The following KCNJ6 variants were observed in gnomAD, a reference collection of about 807,000 sequenced individuals.
The protein encoded by KCNJ6 is G protein-activated inward rectifier potassium channel 2.
In KCNJ6, 9 loss-of-function variants were observed where a neutral mutation model predicts 34.2. The ratio of observed to expected loss-of-function variants is 0.26; its 90% CI spans 0.16 to 0.46. The LOEUF is 0.46. KCNJ6 is among the 20% of genes least tolerant of loss of function. The pLI is 1.00. For missense variants in KCNJ6, 236 were observed against 531.3 expected (o/e 0.44, Z 5.46); for synonymous variants, 196 against 207.1 (o/e 0.95, Z 0.46).
intron 2 of KCNJ6, among the ~76,000 whole-genome samples, chr21:37,727,740 T>C (rs2054862539): frequency 6.6e-6 from 1 of 152,098 alleles, no homozygotes; most frequent in Non-Finnish European, 1.5e-5. Context: ...GGCGAATATT[T>C]GGGAGGAACG....
At chr21:37,709,704 C>T (rs911355336) in intron 3 of KCNJ6, among the ~76,000 whole-genome samples, 6 of 152,138 alleles carry the variant, frequency 3.9e-5, no homozygotes, top group Admixed American at 2.6e-4. Flanking sequence ...AGCCAAGTCA[C>T]GGGTCTTGTT....
intron 2 of KCNJ6, among the ~76,000 whole-genome samples, chr21:37,826,324 G>A (rs2055398792): frequency 6.6e-6 from 1 of 152,186 alleles, no homozygotes; most frequent in South Asian, 2.1e-4. Flanking sequence ...TAAAATTACA[G>A]CATAATGTTG....
chr21:37,848,800 G>T (rs1482037683), intron 1 of KCNJ6, among the ~76,000 whole-genome samples: 5 of 152,206 alleles, frequency 3.3e-5, no homozygotes, highest in Non-Finnish European at 5.9e-5. Flanking sequence ...AGAGATAAGA[G>T]TAAGAAAACA....
intron 2 of KCNJ6, among the ~76,000 whole-genome samples, chr21:37,765,833 AT>A (rs2055088106): frequency 6.6e-6 from 1 of 152,226 alleles, no homozygotes; most frequent in Non-Finnish European, 1.5e-5. Flanking sequence ...CATGGCAACT[AT>A]CCTCATTTAA....
Position 37,712,751 on chromosome 21 carries a change from CT to C in KCNJ6, c.946+1459del, listed in dbSNP as rs1569450262. On this transcript the variant is annotated intron_variant, in intron 3 of 3. Coordinates refer to ENST00000609713, the MANE Select transcript of KCNJ6 (RefSeq NM_002240.5). ...TCCTCCCCTTCTCCTCCTCTCCTTCCTCCCCTTCCTCCTCCCCTGCCTTCCC... is the reference window on the plus strand; with the variant it reads ...TCCTCCCCTTCTCCTCCTCTCCTTCCCCCCTTCCTCCTCCCCTGCCTTCCC... Among the ~76,000 whole-genome samples, 3 of 69,064 alleles carry C rather than the reference CT, an allele frequency of 4.3e-5. 1 individual carries two copies. 45.3% of individuals were successfully genotyped at this position (69,064 alleles called of 152,430 possible). A position where few individuals can be genotyped will look rare whatever the true frequency, so the allele number is the denominator to read the frequency against.
At chr21:37,881,105 CT>C (rs1010333423) in intron 1 of KCNJ6, among the ~76,000 whole-genome samples, 13 of 151,868 alleles carry the variant, frequency 8.6e-5, no homozygotes, top group African/African-American at 3.1e-4. Context: ...TCCCTCTGTG[CT>C]TTTTTTTCAG....
chr21:37,818,975 T>TA lies in KCNJ6; in HGVS notation c.25+21682dup, dbSNP rs779729481. On this transcript the variant is annotated intron_variant, in intron 2 of 3. Coordinates refer to ENST00000609713, the MANE Select transcript of KCNJ6 (RefSeq NM_002240.5). ...AGGATAAAGCAGGTATGGGGTGAGCTAAAAAAATCAAGCCACAAGTATTTT... is the reference window on the plus strand; with the variant it reads ...AGGATAAAGCAGGTATGGGGTGAGCTAAAAAAAATCAAGCCACAAGTATTTT... 1.2e-3 allele frequency among the ~76,000 whole-genome samples: 188 copies of TA among 152,210 alleles called. 3 individuals are homozygous for TA. The highest frequency in any genetic ancestry group is 4.4e-3 in the African/African-American group (181 of 41,538).
At chr21:37,728,476 T>C (rs1323510263) in intron 2 of KCNJ6, among the ~76,000 whole-genome samples, 1 of 152,186 alleles carries the variant, frequency 6.6e-6, no homozygotes, top group Non-Finnish European at 1.5e-5. Context: ...GAAAAGGAGA[T>C]TGTGCTTAAA....
chr21:37,899,944 AG>A (rs1199256632), intron 1 of KCNJ6, among the ~76,000 whole-genome samples: 1 of 152,184 alleles, frequency 6.6e-6, no homozygotes, highest in Non-Finnish European at 1.5e-5. Flanking sequence ...TGTGGCTGGG[AG>A]GCTCAGGTTG....
At position 37,670,756 on chromosome 21, in the gene KCNJ6, C is replaced by T. The variant is rs140162700; in HGVS notation, c.946+43455G>A. Reference sequence around the variant, plus strand: ...CTCCAGCCTGGGTGACAGAATAAGACCCTGTCTCAAAAAGACAAAACAAAA... The same window carrying T: ...CTCCAGCCTGGGTGACAGAATAAGATCCTGTCTCAAAAAGACAAAACAAAA... On this transcript the variant is annotated intron_variant, in intron 3 of 3. Coordinates refer to ENST00000609713, the MANE Select transcript of KCNJ6 (RefSeq NM_002240.5). Among the ~76,000 whole-genome samples, 607 of 152,284 alleles carry T rather than the reference C, an allele frequency of 4.0e-3. 7 individuals carry two copies. Among genetic ancestry groups the T allele is most frequent in the Middle Eastern group, 0.017 (5 of 294 alleles).
chr21:37,886,496 A>C (rs1161671097), intron 1 of KCNJ6, among the ~76,000 whole-genome samples: 2 of 152,206 alleles, frequency 1.3e-5, no homozygotes, highest in African/African-American at 2.4e-5. Context: ...ATCTCATGTA[A>C]TTAGAGCTAA....
At position 37,840,575 on chromosome 21, in the gene KCNJ6, C is replaced by A. The variant is rs941079349; in HGVS notation, c.25+83G>T. The stretch of plus-strand genomic sequence containing the variant: ...AGCAAAAGAGAAGGACAAATCAGAT[C>A]ATCACACGGGATGTCTTTTTTGTGC... On this transcript the variant is annotated intron_variant, in intron 2 of 3. Transcript: ENST00000609713. 12 of 886,092 alleles carry A rather than the reference C, an allele frequency of 1.4e-5. No individual in the cohort carries two copies. In the African/African-American group the frequency reaches 1.8e-4, roughly 14 times the overall value. The allele number at this position is 886,092 out of a possible 1,614,324, so 54.9% of individuals were successfully genotyped here.
chr21:37,777,126 T>C (rs2055146305), intron 2 of KCNJ6, among the ~76,000 whole-genome samples: 4 of 152,314 alleles, frequency 2.6e-5, no homozygotes, highest in Admixed American at 2.6e-4. Flanking sequence ...ATTTTCTAGT[T>C]TATTTGCGTA....
At chr21:37,823,762 G>C (rs1240301818) in intron 2 of KCNJ6, among the ~76,000 whole-genome samples, 1 of 152,184 alleles carries the variant, frequency 6.6e-6, no homozygotes, top group East Asian at 1.9e-4. Flanking sequence ...CTTCATAGCA[G>C]TGTAAAAATG....
At chr21:37,756,819 T>G (rs1417578475) in intron 2 of KCNJ6, among the ~76,000 whole-genome samples, 1 of 149,810 alleles carries the variant, frequency 6.7e-6, no homozygotes. Flanking sequence ...GAGCACTCCC[T>G]CACAGTGTGA....
chr21:37,719,367 TC>T (rs2054812128), intron 2 of KCNJ6: 2 of 152,184 alleles, frequency 1.3e-5, no homozygotes, highest in Admixed American at 1.3e-4. Context: ...GAGCGGGGGA[TC>T]TGAATCGCAT....
intron 2 of KCNJ6, among the ~76,000 whole-genome samples, chr21:37,835,290 G>T (rs1251187084): frequency 6.6e-6 from 1 of 152,150 alleles, no homozygotes; most frequent in Non-Finnish European, 1.5e-5. Flanking sequence ...GAGGTGGGGG[G>T]TCCTAGGGAA....
intron 2 of KCNJ6, among the ~76,000 whole-genome samples, chr21:37,775,207 T>G: frequency 6.6e-6 from 1 of 152,228 alleles, no homozygotes; most frequent in East Asian, 1.9e-4. Flanking sequence ...GTTTGTTTTT[T>G]TCTTGTAAAT....
At chr21:37,693,312 C>T (rs2054648432) in intron 3 of KCNJ6, among the ~76,000 whole-genome samples, 1 of 152,192 alleles carries the variant, frequency 6.6e-6, no homozygotes, top group African/African-American at 2.4e-5. Context: ...TTCACATCAC[C>T]ATTTGGAGGA....
Sources: gnomAD v4.1 joint callset for allele counts (sites outside exome capture counted in the v4.1 genomes callset) on GRCh38, gnomAD v4.1.1 for gene constraint, MANE v1.5 for transcripts, NCBI Gene and HGNC (gene_info 2026-07-23, HGNC 2026-07-21) for gene names.